Variants in HIPK3 observed in about 807,000 individuals in gnomAD.
The protein encoded by HIPK3 is homeodomain interacting protein kinase 3.
In HIPK3, 47 loss-of-function variants were observed where a neutral mutation model predicts 124.2. The ratio of observed to expected loss-of-function variants is 0.38; its 90% CI spans 0.30 to 0.48. The LOEUF is 0.48. HIPK3 is among the 20% of genes least tolerant of loss of function. HIPK3 has a pLI of 0.98. For missense variants in HIPK3, 1,286 were observed against 1,454.3 expected, an observed-to-expected ratio of 0.88 and a Z score of 1.88; for synonymous variants, 482 against 515.2, an observed-to-expected ratio of 0.94 and a Z score of 0.87.
intron 15 of HIPK3, 21 bp from the exon 16 acceptor site, chr11:33,352,117 T>C (rs769328386): frequency 4.4e-6 from 7 of 1,606,190 alleles, no homozygotes; most frequent in Non-Finnish European, 6.0e-6. Flanking sequence ...ATAAACTCTT[T>C]AATATTTTAT....
chr11:33,260,802 A>C (rs1438926736), intron 1 of HIPK3, among the ~76,000 whole-genome samples: 1 of 152,172 alleles, frequency 6.6e-6, no homozygotes, highest in Non-Finnish European at 1.5e-5. Flanking sequence ...CTTAGAGGAC[A>C]CAGAATAACT....
rs558715881 is a variant in HIPK3 at position 33,312,191 on chromosome 11, A to G, written c.1098-16319A>G. Among the ~76,000 whole-genome samples, 10 of 152,206 alleles carry G rather than the reference A, an allele frequency of 6.6e-5. No homozygotes were observed. In the South Asian group the frequency reaches 2.1e-3, roughly 32 times the overall value. ...CTATTTTTATGTGTATATTTTTTCT[A>G]GCTCTATAGTTGTTCAGTATCCTTC... On this transcript the variant is annotated intron_variant, in intron 2 of 16. Coordinates refer to ENST00000303296, the MANE Select transcript of HIPK3 (RefSeq NM_005734.5).
At chr11:33,351,504 A>C in intron 14 of HIPK3, 104 bp from the exon 15 acceptor site, 1 of 721,980 alleles carries the variant, frequency 1.4e-6, no homozygotes, top group Non-Finnish European at 2.3e-6. Context: ...ATATAAAATA[A>C]CTGAATAATG....
intron 2 of HIPK3, among the ~76,000 whole-genome samples, chr11:33,293,469 G>C: frequency 6.6e-6 from 1 of 152,060 alleles, no homozygotes; most frequent in East Asian, 1.9e-4. Flanking sequence ...TCTACTTGCT[G>C]CCTGTGTAGA....
chr11:33,301,647 G>A (rs1345940619), intron 2 of HIPK3, among the ~76,000 whole-genome samples: 1 of 151,496 alleles, frequency 6.6e-6, no homozygotes, highest in Non-Finnish European at 1.5e-5. Context: ...ACTTGGGCAT[G>A]GTGGAGCACA....
Position 33,260,726 on chromosome 11 carries a change from G to A in HIPK3, c.-3+2837G>A, listed in dbSNP as rs185917117. 9.4e-3 allele frequency among the ~76,000 whole-genome samples: 1,431 copies of A among 152,268 alleles called. 7 individuals carry two copies. The highest frequency in any genetic ancestry group is 0.014 in the Non-Finnish European group (968 of 68,012). On this transcript the variant is annotated intron_variant, in intron 1 of 16. Coordinates refer to ENST00000303296, the MANE Select transcript of HIPK3 (RefSeq NM_005734.5). ...TGTCATGGTAATATTTAGATTCAAA[G>A]ATATTCTAAGGAAATTCTCCATATT... is the stretch of plus-strand genomic sequence containing the variant.
chr11:33,307,569 T>A (rs1852201100), intron 2 of HIPK3, among the ~76,000 whole-genome samples: 1 of 151,558 alleles, frequency 6.6e-6, no homozygotes, highest in South Asian at 2.1e-4. Context: ...TGGCTAATTT[T>A]TTTTTTTTTT....
intron 11 of HIPK3, 37 bp from the exon 12 acceptor site, chr11:33,348,129 T>C (rs769159559): frequency 1.9e-6 from 3 of 1,609,514 alleles, no homozygotes; most frequent in South Asian, 2.2e-5. Context: ...ATAGCTTTGT[T>C]ACAAACACTA....
At chr11:33,319,232 C>T (rs558944880) in intron 2 of HIPK3, among the ~76,000 whole-genome samples, 1 of 152,218 alleles carries the variant, frequency 6.6e-6, no homozygotes, top group Non-Finnish European at 1.5e-5. Flanking sequence ...AAATTATGCT[C>T]ATGCCTGTAA....
At chr11:33,258,205 G>GGCCCCC in intron 1 of HIPK3, 7 of 642,194 alleles carry the variant, frequency 1.1e-5, no homozygotes, top group Non-Finnish European at 1.2e-5. Context: ...GGGGGCCTCG[G>GGCCCCC]CCCCCCCTCC....
intron 1 of HIPK3, among the ~76,000 whole-genome samples, chr11:33,264,145 G>A (rs915519831): frequency 1.1e-4 from 17 of 151,468 alleles, no homozygotes; most frequent in Non-Finnish European, 2.4e-4. Context: ...CATTTTCTTC[G>A]CTGCTAACCT....
chr11:33,292,269 A>G (rs543560291), intron 2 of HIPK3, among the ~76,000 whole-genome samples: 1 of 152,356 alleles, frequency 6.6e-6, no homozygotes, highest in African/African-American at 2.4e-5. Context: ...GTTTAACTTT[A>G]CAAATTTTGT....
At chr11:33,306,905 G>GT in intron 2 of HIPK3, among the ~76,000 whole-genome samples, 1 of 151,506 alleles carries the variant, frequency 6.6e-6, no homozygotes, top group Non-Finnish European at 1.5e-5. Context: ...TTTGAAAGAA[G>GT]TGGCTTTGTA....
At chr11:33,311,863 C>CACACACACACAA (rs1418820338) in intron 2 of HIPK3, among the ~76,000 whole-genome samples, 2 of 147,334 alleles carry the variant, frequency 1.4e-5, no homozygotes, top group Admixed American at 6.8e-5. Context: ...CACACACACA[C>CACACACACACAA]ACACACTACA....
At chr11:33,333,488 G>GT (rs1485400920) in intron 3 of HIPK3, among the ~76,000 whole-genome samples, 1 of 152,050 alleles carries the variant, frequency 6.6e-6, no homozygotes, top group Non-Finnish European at 1.5e-5. Flanking sequence ...GATTGACTTA[G>GT]TTTTTTTCTA....
intron 1 of HIPK3, among the ~76,000 whole-genome samples, chr11:33,269,635 C>T (rs1168190275): frequency 6.6e-6 from 1 of 151,558 alleles, no homozygotes; most frequent in Non-Finnish European, 1.5e-5. Flanking sequence ...TTTTCTGTTT[C>T]TTCTAAACTT....
At chr11:33,293,173 T>C (rs1009894100) in intron 2 of HIPK3, among the ~76,000 whole-genome samples, 1 of 152,156 alleles carries the variant, frequency 6.6e-6, no homozygotes, top group South Asian at 2.1e-4. Flanking sequence ...AGCTCTTAAG[T>C]TTTTTTGTTT....
chr11:33,262,000 A>C (rs1850840121), intron 1 of HIPK3, among the ~76,000 whole-genome samples: 1 of 152,164 alleles, frequency 6.6e-6, no homozygotes, highest in Admixed American at 6.5e-5. Flanking sequence ...TGTTGGCCAC[A>C]CGTATGTCTT....
At chr11:33,281,429 C>G (rs1851410258) in intron 1 of HIPK3, among the ~76,000 whole-genome samples, 1 of 152,066 alleles carries the variant, frequency 6.6e-6, no homozygotes, top group South Asian at 2.1e-4. Flanking sequence ...TTTTCCTCTT[C>G]TATATTATTT....
Sources: allele counts gnomAD v4.1 joint callset (sites outside exome capture counted in the v4.1 genomes callset), GRCh38; gene constraint gnomAD v4.1.1; transcripts MANE v1.5; gene names NCBI Gene and HGNC (gene_info 2026-07-23, HGNC 2026-07-21).